The following TNKS variants were observed in gnomAD, a reference collection of about 807,000 sequenced individuals.
TNKS encodes the protein poly [ADP-ribose] polymerase tankyrase-1.
Under a neutral mutation model 135.8 loss-of-function variants are expected in TNKS, and 72 were observed. That is an observed-to-expected ratio of 0.53 (90% confidence interval 0.44 to 0.64). The LOEUF (loss-of-function observed/expected upper bound fraction) is 0.64. TNKS is among the 30% of genes least tolerant of loss of function. The probability of loss-of-function intolerance (pLI) is 0.00; values close to 1 mark genes in which losing one functional copy is unlikely to be tolerated. For synonymous variants in TNKS, 849 were observed against 649.3 expected, an observed-to-expected ratio of 1.31 and a Z score of -4.68; for missense variants, 1,769 against 1,674.0, an observed-to-expected ratio of 1.06 and a Z score of -0.99.
chr8:9,719,096 G>A (rs1804743857), intron 11 of TNKS, among the ~76,000 whole-genome samples: 1 of 152,188 alleles, frequency 6.6e-6, no homozygotes, highest in Non-Finnish European at 1.5e-5. Flanking sequence ...GCTAATGGCT[G>A]TGCTTTTTTG....
chr8:9,650,593 G>C (rs1474146062), intron 3 of TNKS, among the ~76,000 whole-genome samples: 1 of 151,994 alleles, frequency 6.6e-6, no homozygotes, highest in Non-Finnish European at 1.5e-5. Flanking sequence ...TCATATGTTT[G>C]TTGGCCACTT....
At chr8:9,704,882 A>G (rs1010655743) in intron 6 of TNKS, 125 bp downstream of exon 6, 1 of 584,830 alleles carries the variant, frequency 1.7e-6, no homozygotes, top group East Asian at 2.9e-5. Context: ...AAGAATGTTC[A>G]TAACTCTGGT....
intron 3 of TNKS, among the ~76,000 whole-genome samples, chr8:9,664,517 C>G (rs1801897746): frequency 6.6e-6 from 1 of 152,186 alleles, no homozygotes; most frequent in Non-Finnish European, 1.5e-5. Context: ...CAAACTGTAG[C>G]ACGTTAACAT....
chr8:9,726,245 G>C (rs968655634), intron 12 of TNKS, among the ~76,000 whole-genome samples: 1 of 152,054 alleles, frequency 6.6e-6, no homozygotes, highest in Non-Finnish European at 1.5e-5. Context: ...ACAAAAACTA[G>C]CTGGGCGTGG....
At chr8:9,569,148 G>C (rs1797664272) in intron 1 of TNKS, among the ~76,000 whole-genome samples, 1 of 152,146 alleles carries the variant, frequency 6.6e-6, no homozygotes, top group Admixed American at 6.5e-5. Flanking sequence ...GTATTTCCTT[G>C]AAAGCTCAGA....
intron 5 of TNKS, among the ~76,000 whole-genome samples, chr8:9,685,290 A>G (rs978777028): frequency 1.3e-5 from 2 of 152,184 alleles, no homozygotes; most frequent in Non-Finnish European, 2.9e-5. Flanking sequence ...ATTGGGTTCT[A>G]TTCTGCTTTC....
intron 3 of TNKS, among the ~76,000 whole-genome samples, chr8:9,646,339 T>C (rs142059583): frequency 6.6e-5 from 10 of 152,300 alleles, no homozygotes; most frequent in African/African-American, 2.4e-4. Flanking sequence ...ATATTAAATA[T>C]AACTTTTTTA....
At chr8:9,578,342 G>A (rs913528817) in intron 1 of TNKS, among the ~76,000 whole-genome samples, 4 of 152,184 alleles carry the variant, frequency 2.6e-5, no homozygotes, top group Admixed American at 6.5e-5. Flanking sequence ...CCTAACATCC[G>A]TAAAGTTCTG....
rs1284113343 is a variant in TNKS, at chr8:9,781,167, T to G, written c.*4431T>G. On this transcript the variant is annotated 3_prime_UTR_variant, in exon 27 of 27. Coordinates refer to ENST00000310430, the MANE Select transcript of TNKS (RefSeq NM_003747.3). ...AATAACATTCGCACTGTAGATTGCA[T>G]TTCGGCTTTTCCTCCTTTCACATTC... The G allele has an allele frequency of 6.6e-6, 1 of 152,242 alleles. No individual in the cohort carries two copies. The highest frequency in any genetic ancestry group is 1.5e-5 in the Non-Finnish European group (1 of 68,052). The allele number at this position is 152,242 out of a possible 1,614,324, so 9.4% of individuals were successfully genotyped here.
rs140553218 is a variant in TNKS, at chr8:9,674,308, G to T, written c.995-5643G>T. ...CCAAGGTCACACAAGTAAACTAGTG[G>T]CAGAGCTAGAACTCATTCTAGATCT... On this transcript the variant is annotated intron_variant, in intron 3 of 26. Coordinates refer to ENST00000310430, the MANE Select transcript of TNKS (RefSeq NM_003747.3). 5.1e-3 allele frequency among the ~76,000 whole-genome samples: 771 copies of T among 152,262 alleles called. 23 individuals are homozygous for T. Among genetic ancestry groups the T allele is most frequent in the Admixed American group, 0.044 (674 of 15,294 alleles).
chr8:9,771,564 C>T (rs181061937), intron 26 of TNKS, among the ~76,000 whole-genome samples: 154 of 93,318 alleles, frequency 1.7e-3, no homozygotes, highest in African/African-American at 3.9e-3. Context: ...AGGGAGAAAG[C>T]GAGAGAGGAA....
At chr8:9,770,284 CA>C in intron 26 of TNKS, 22 bp downstream of exon 26, 2 of 1,594,228 alleles carry the variant, frequency 1.3e-6, no homozygotes, top group South Asian at 2.2e-5. Context: ...ATCAAACAAG[CA>C]TAACCAAGTT....
intron 3 of TNKS, among the ~76,000 whole-genome samples, chr8:9,664,899 A>G (rs943639523): frequency 6.6e-6 from 1 of 152,210 alleles, no homozygotes; most frequent in African/African-American, 2.4e-5. Flanking sequence ...TTTCTATACC[A>G]TATCCCTATG....
At chr8:9,643,563 C>A (rs1278171148) in intron 3 of TNKS, among the ~76,000 whole-genome samples, 3 of 152,062 alleles carry the variant, frequency 2.0e-5, no homozygotes, top group African/African-American at 4.8e-5. Flanking sequence ...TGGAGGGACA[C>A]ATTCAATCCA....
At chr8:9,645,528 G>C (rs1800889042) in intron 3 of TNKS, among the ~76,000 whole-genome samples, 1 of 152,148 alleles carries the variant, frequency 6.6e-6, no homozygotes, top group African/African-American at 2.4e-5. Flanking sequence ...AAATTTACCT[G>C]GGTGGAGAGA....
At chr8:9,631,434 G>A (rs1160339154) in intron 3 of TNKS, among the ~76,000 whole-genome samples, 1 of 152,160 alleles carries the variant, frequency 6.6e-6, no homozygotes, top group Non-Finnish European at 1.5e-5. Context: ...TGATGAAAAA[G>A]AAGCCATTGG....
Position 9,781,769 on chromosome 8 carries a change from GTGA to G in TNKS, c.*5034_*5036del, listed in dbSNP as rs1563234061. The G allele has an allele frequency of 2.0e-5, 3 of 152,654 alleles. No homozygotes were observed. Among genetic ancestry groups the G allele is most frequent in the Non-Finnish European group, 4.4e-5 (3 of 68,046 alleles). The allele number at this position is 152,654 out of a possible 1,614,324, so 9.5% of individuals were successfully genotyped here. On this transcript the variant is annotated 3_prime_UTR_variant, in exon 27 of 27. Transcript: ENST00000310430. ...TTTTCTCATTGTGATGTTGGTCTGT[GTGA>G]GCAACCAGTGTAGTGACTCTTTGGT...
intron 6 of TNKS, among the ~76,000 whole-genome samples, chr8:9,705,133 C>T (rs1803987300): frequency 6.6e-6 from 1 of 152,024 alleles, no homozygotes; most frequent in Non-Finnish European, 1.5e-5. Context: ...TATTGATAAA[C>T]CAAAATCATA....
intron 3 of TNKS, among the ~76,000 whole-genome samples, chr8:9,654,872 C>G (rs554484527): frequency 6.6e-6 from 1 of 152,354 alleles, no homozygotes; most frequent in East Asian, 1.9e-4. Context: ...CCGGATTCAT[C>G]TCACTGGGGA....
Sources: gnomAD v4.1 joint callset for allele counts (sites outside exome capture counted in the v4.1 genomes callset) on GRCh38, gnomAD v4.1.1 for gene constraint, MANE v1.5 for transcripts, NCBI Gene and HGNC (gene_info 2026-07-23, HGNC 2026-07-21) for gene names.